MTMR7: variants seen among roughly 807,000 people sequenced by gnomAD.
The protein encoded by MTMR7 is phosphatidylinositol-3-phosphate phosphatase MTMR7.
MTMR7 carries 76 observed loss-of-function variants against 81.2 expected under a neutral mutation model. That is an observed-to-expected ratio of 0.94 (90% CI 0.78 to 1.13). The LOEUF (loss-of-function observed/expected upper bound fraction) is 1.13, where lower values mean the gene tolerates loss of function less well. Among genes scored for constraint, MTMR7 ranks in the 50% most tolerant of loss-of-function variants. The pLI, the probability that MTMR7 is intolerant of heterozygous loss-of-function variation, is 0.00. For missense variants in MTMR7, 1,044 were observed against 820.0 expected (o/e 1.27, Z -3.34); for synonymous variants, 372 against 289.8 (o/e 1.28, Z -2.88).
At chr8:17,348,779 A>G (rs1819638820) in intron 5 of MTMR7, among the ~76,000 whole-genome samples, 174 bp downstream of exon 5, 1 of 152,130 alleles carries the variant, frequency 6.6e-6, no homozygotes, top group South Asian at 2.1e-4. Context: ...GGAAGTCTAC[A>G]TGAGATAAGG....
At chr8:17,328,064 T>G (rs777151556) in intron 7 of MTMR7, among the ~76,000 whole-genome samples, 1 of 152,152 alleles carries the variant, frequency 6.6e-6, no homozygotes, top group Non-Finnish European at 1.5e-5. Context: ...ACCAACAGTA[T>G]TAATCTAACA....
intron 1 of MTMR7, among the ~76,000 whole-genome samples, chr8:17,398,701 G>A (rs1821331636): frequency 6.6e-6 from 1 of 152,136 alleles, no homozygotes; most frequent in African/African-American, 2.4e-5. Context: ...CTACTCTTAA[G>A]TAGAAAGATT....
At chr8:17,367,831 C>T (rs1056997200) in intron 3 of MTMR7, among the ~76,000 whole-genome samples, 15 of 152,020 alleles carry the variant, frequency 9.9e-5, no homozygotes, top group African/African-American at 3.4e-4. Context: ...CTCTTCCCTT[C>T]CCCACCCTTC....
intron 6 of MTMR7, among the ~76,000 whole-genome samples, chr8:17,337,362 C>CAAAAA (rs1554511150): frequency 1.1e-5 from 1 of 89,662 alleles, no homozygotes. Flanking sequence ...AACTCCGTCC[C>CAAAAA]AAAAAAAAAA....
chr8:17,358,067 AATT>A (rs1819949873), intron 4 of MTMR7, among the ~76,000 whole-genome samples: 1 of 152,154 alleles, frequency 6.6e-6, no homozygotes, highest in Admixed American at 6.5e-5. Context: ...GAAAAAGCAT[AATT>A]GACAAAACAT....
intron 4 of MTMR7, among the ~76,000 whole-genome samples, chr8:17,352,342 T>A (rs1819752574): frequency 6.6e-6 from 1 of 152,024 alleles, no homozygotes; most frequent in Non-Finnish European, 1.5e-5. Flanking sequence ...CTCAATGGGG[T>A]AAGATTAGTC....
At chr8:17,385,487 T>C (rs903399280) in intron 1 of MTMR7, among the ~76,000 whole-genome samples, 1 of 152,222 alleles carries the variant, frequency 6.6e-6, no homozygotes, top group African/African-American at 2.4e-5. Context: ...AAGCCTTCTC[T>C]CTTGCCCACC....
chr8:17,366,779 G>A (rs929236106), intron 3 of MTMR7, among the ~76,000 whole-genome samples: 3 of 151,214 alleles, frequency 2.0e-5, no homozygotes, highest in South Asian at 2.1e-4. Flanking sequence ...CCAGCTACTC[G>A]GGAGGTTGAG....
chr8:17,354,076 T>C (rs1205311900), intron 4 of MTMR7, among the ~76,000 whole-genome samples: 1 of 152,212 alleles, frequency 6.6e-6, no homozygotes, highest in Non-Finnish European at 1.5e-5. Context: ...AATCCAAAAG[T>C]GTCACTCAGC....
intron 6 of MTMR7, among the ~76,000 whole-genome samples, chr8:17,331,943 G>A (rs187031078): frequency 7.2e-5 from 11 of 152,188 alleles, no homozygotes; most frequent in Admixed American, 7.2e-4. Context: ...GAGAAGTTGG[G>A]GTCTCCAAGT....
chr8:17,379,782 T>G (rs1240546138), intron 1 of MTMR7, among the ~76,000 whole-genome samples: 1 of 152,178 alleles, frequency 6.6e-6, no homozygotes, highest in Non-Finnish European at 1.5e-5. Flanking sequence ...TGGGGTTTTT[T>G]GATTGTTTGT....
intron 1 of MTMR7, among the ~76,000 whole-genome samples, chr8:17,399,997 A>G (rs1821376876): frequency 6.6e-6 from 1 of 151,996 alleles, no homozygotes; most frequent in African/African-American, 2.4e-5. Flanking sequence ...CATTTTAAAG[A>G]TTTTTGATGC....
At chr8:17,300,295 T>C (rs1817032121) in intron 13 of MTMR7, 71 bp from the exon 14 acceptor site, 1 of 1,454,210 alleles carries the variant, frequency 6.9e-7, no homozygotes, top group Non-Finnish European at 9.2e-7. Flanking sequence ...TGCATGTCTT[T>C]AGCATTTGTT....
At chr8:17,318,205 C>T (rs190050313) in intron 7 of MTMR7, among the ~76,000 whole-genome samples, 21 of 152,250 alleles carry the variant, frequency 1.4e-4, no homozygotes, top group African/African-American at 4.8e-4. Flanking sequence ...TCCGAACACA[C>T]CTTCCTTATG....
chr8:17,375,036 C>A (rs1820536491), intron 1 of MTMR7, among the ~76,000 whole-genome samples: 1 of 150,476 alleles, frequency 6.6e-6, no homozygotes, highest in Non-Finnish European at 1.5e-5. Flanking sequence ...TTGCAGTGAG[C>A]CGAGATCGCA....
intron 1 of MTMR7, among the ~76,000 whole-genome samples, chr8:17,404,672 C>T (rs1821525724): frequency 6.6e-6 from 1 of 152,072 alleles, no homozygotes; most frequent in Non-Finnish European, 1.5e-5. Flanking sequence ...ATACAAACAG[C>T]ATCAAAAATC....
At chr8:17,400,339 A>G (rs536616519) in intron 1 of MTMR7, among the ~76,000 whole-genome samples, 4 of 152,348 alleles carry the variant, frequency 2.6e-5, no homozygotes, top group Non-Finnish European at 4.4e-5. Context: ...TGAGGAAACT[A>G]AAGTTAAATA....
At position 17,341,395 on chromosome 8, in the gene MTMR7, C is replaced by T; in HGVS notation, c.700G>A (p.Asp234Asn). 5 of 1,614,158 alleles carry T rather than the reference C, an allele frequency of 3.1e-6. No homozygotes were observed. The highest frequency in any genetic ancestry group is 1.3e-5 in the African/African-American group (1 of 75,064). Residue 234 changes from aspartate to asparagine, a missense_variant, in exon 6 of 14, where the codon GAC becomes AAC. Physicochemically the swap from Asp to Asn is conservative, Grantham distance 23. Transcript: ENST00000180173. ...CGGGTGTCAACGACATAAACGAAGT[C>T]ACTTCCTGGATTGGCTTTCCTAATG... ...QAIRKANPGS[D>N]FVYVVDTRPK...
At chr8:17,363,905 T>TAA (rs759525869) in intron 3 of MTMR7, among the ~76,000 whole-genome samples, 5 of 136,934 alleles carry the variant, frequency 3.7e-5, no homozygotes, top group Non-Finnish European at 6.3e-5. Flanking sequence ...GAGGCAAGCT[T>TAA]AAAAAAAAAA....
Sources: allele counts gnomAD v4.1 joint callset (sites outside exome capture counted in the v4.1 genomes callset), GRCh38; gene constraint gnomAD v4.1.1; transcripts MANE v1.5; gene names NCBI Gene and HGNC (gene_info 2026-07-23, HGNC 2026-07-21).